The following TMEM232 variants were observed in gnomAD, a reference collection of about 807,000 sequenced individuals.
TMEM232 encodes transmembrane protein 232.
A neutral mutation model predicts 78.8 loss-of-function variants in TMEM232; 80 were observed. That is an observed-to-expected ratio of 1.01 (90% CI 0.85 to 1.22). The LOEUF (loss-of-function observed/expected upper bound fraction) is 1.22, where lower values mean the gene tolerates loss of function less well. Ranked by LOEUF, TMEM232 falls within the 50% of genes most tolerant of loss-of-function variation. TMEM232 has a pLI of 0.00. For synonymous variants in TMEM232, 297 were observed against 254.3 expected (o/e 1.17, Z -1.60); for missense variants, 881 against 742.2 (o/e 1.19, Z -2.17).
chr5:110,414,699 G>A (rs967050375), downstream of TMEM232, among the ~76,000 whole-genome samples: 2 of 152,120 alleles, frequency 1.3e-5, no homozygotes, highest in African/African-American at 4.8e-5. Flanking sequence ...CTTTAGGATA[G>A]CTGTTTTGGT....
At chr5:110,454,821 G>T (rs1580747218) in intron 12 of TMEM232, among the ~76,000 whole-genome samples, 1 of 132,804 alleles carries the variant, frequency 7.5e-6, no homozygotes, top group Non-Finnish European at 1.5e-5. Context: ...AGAAGGAAAG[G>T]GAGGTATAAT....
chr5:110,668,111 A>G (rs1031074784), intron 1 of TMEM232, among the ~76,000 whole-genome samples: 9 of 152,136 alleles, frequency 5.9e-5, no homozygotes, highest in African/African-American at 1.7e-4. Flanking sequence ...TAGATTAGTC[A>G]AAGTTTTGGC....
intron 11 of TMEM232, among the ~76,000 whole-genome samples, chr5:110,538,025 T>C (rs985424863): frequency 1.7e-4 from 26 of 152,184 alleles, no homozygotes; most frequent in Non-Finnish European, 1.5e-5. Context: ...TTGATCCTAA[T>C]TGGGACTATA....
At chr5:110,499,072 A>C (rs954360925) in intron 12 of TMEM232, among the ~76,000 whole-genome samples, 5 of 152,168 alleles carry the variant, frequency 3.3e-5, no homozygotes, top group Non-Finnish European at 5.9e-5. Context: ...AGGTATGACC[A>C]AAAAGGGGGG....
Position 110,606,266 on chromosome 5 carries a change from T to C in TMEM232, c.924A>G (p.Leu308=). The change falls in exon 9 of 14, where the codon TTA becomes TTG. Residue 308 remains leucine, a synonymous_variant. Coordinates refer to ENST00000455884, the MANE Select transcript of TMEM232 (RefSeq NM_001039763.4). ...KKCWLDSVLA[L]LVLGEAAKLN... is the part of the protein sequence containing the mutation. ...ATTTGGCAGCCTCCCCAAGGACCAGTAAAGCCAGTACTGAATCCAACCTGA... is the reference window on the plus strand; with the variant it reads ...ATTTGGCAGCCTCCCCAAGGACCAGCAAAGCCAGTACTGAATCCAACCTGA... The C allele has an allele frequency of 6.5e-7, 1 of 1,542,720 alleles. No individual in the cohort carries two copies. The highest frequency in any genetic ancestry group is 1.2e-5 in the South Asian group (1 of 82,864).
intron 12 of TMEM232, among the ~76,000 whole-genome samples, chr5:110,499,629 C>T (rs1224588948): frequency 8.3e-6 from 1 of 119,856 alleles, no homozygotes; most frequent in African/African-American, 5.7e-5. Context: ...ATGTATACAC[C>T]CCCCCCCACA....
At chr5:110,495,004 A>G (rs1289311003) in intron 12 of TMEM232, among the ~76,000 whole-genome samples, 1 of 151,740 alleles carries the variant, frequency 6.6e-6, no homozygotes, top group African/African-American at 2.4e-5. Context: ...CTATGAAAGC[A>G]GTAGGAGAAT....
intron 12 of TMEM232, among the ~76,000 whole-genome samples, chr5:110,455,932 GA>G (rs1760850151): frequency 6.6e-6 from 1 of 152,092 alleles, no homozygotes; most frequent in South Asian, 2.1e-4. Context: ...TGAAAATGAA[GA>G]ATAGAAGAAA....
chr5:110,602,929 G>T (rs957186077), intron 10 of TMEM232, among the ~76,000 whole-genome samples: 6 of 152,098 alleles, frequency 3.9e-5, no homozygotes, highest in African/African-American at 9.7e-5. Flanking sequence ...AAGAAAATGT[G>T]GCACATATAC....
chr5:110,425,753 C>T (rs1043856221), intron 12 of TMEM232, among the ~76,000 whole-genome samples: 7 of 152,076 alleles, frequency 4.6e-5, no homozygotes, highest in African/African-American at 1.7e-4. Flanking sequence ...TAATCTCTCA[C>T]CTGGATGAAG....
At chr5:110,724,473 C>G (rs1187315130) in intron 1 of TMEM232, among the ~76,000 whole-genome samples, 2 of 152,162 alleles carry the variant, frequency 1.3e-5, no homozygotes, top group Admixed American at 1.3e-4. Flanking sequence ...TGCTCTTAAT[C>G]CAGTATTATT....
At chr5:110,549,580 T>C (rs1335469749) in intron 11 of TMEM232, among the ~76,000 whole-genome samples, 1 of 114,204 alleles carries the variant, frequency 8.8e-6, no homozygotes, top group Non-Finnish European at 1.6e-5. Flanking sequence ...CACTCTAGCA[T>C]AGGCAACAGC....
chr5:110,398,383 C>T (rs899911879), intron 2 of TMEM232, among the ~76,000 whole-genome samples: 2 of 152,130 alleles, frequency 1.3e-5, no homozygotes, highest in African/African-American at 4.8e-5. Flanking sequence ...AATCTTGAGT[C>T]AAAGACTCCG....
chr5:110,637,055 T>C (rs535966619), intron 5 of TMEM232, among the ~76,000 whole-genome samples: 3 of 151,594 alleles, frequency 2.0e-5, no homozygotes, highest in East Asian at 3.9e-4. Flanking sequence ...TGTTTTTCTA[T>C]TCCATTTTAA....
chr5:110,652,599 G>T (rs931459845), intron 2 of TMEM232, among the ~76,000 whole-genome samples: 1 of 152,026 alleles, frequency 6.6e-6, no homozygotes, highest in Non-Finnish European at 1.5e-5. Flanking sequence ...TGTAAATCCT[G>T]AGTCCTTTAA....
At chr5:110,582,860 A>G (rs953635596) in intron 10 of TMEM232, among the ~76,000 whole-genome samples, 1 of 152,158 alleles carries the variant, frequency 6.6e-6, no homozygotes, top group Non-Finnish European at 1.5e-5. Flanking sequence ...GTTTCTATAC[A>G]CTAATAACAA....
chr5:110,480,063 C>G (rs1315035430), intron 12 of TMEM232, among the ~76,000 whole-genome samples: 2 of 151,594 alleles, frequency 1.3e-5, no homozygotes, highest in Non-Finnish European at 3.0e-5. Context: ...GAAATAACTA[C>G]TCATTATTTC....
chr5:110,478,897 A>ATTTTTTTTT (rs746104997), intron 12 of TMEM232, among the ~76,000 whole-genome samples: 3 of 111,808 alleles, frequency 2.7e-5, no homozygotes, highest in Non-Finnish European at 5.7e-5. Flanking sequence ...GGAGAAATTG[A>ATTTTTTTTT]TTTTTTTTTT....
At chr5:110,572,041 A>G (rs1410434151) in intron 10 of TMEM232, among the ~76,000 whole-genome samples, 1 of 152,010 alleles carries the variant, frequency 6.6e-6, no homozygotes, top group Admixed American at 6.6e-5. Context: ...GACACTGTGG[A>G]GAAGATCTAA....
Sources: allele counts gnomAD v4.1 joint callset (sites outside exome capture counted in the v4.1 genomes callset), GRCh38; gene constraint gnomAD v4.1.1; transcripts MANE v1.5; gene names NCBI Gene and HGNC (gene_info 2026-07-23, HGNC 2026-07-21).